Variants in ZNF148 observed in about 807,000 individuals in gnomAD.
ZNF148 encodes Beta-Enolase Repressor Factor-1.
Under a neutral mutation model 67.7 loss-of-function variants are expected in ZNF148, and 7 were observed. That is an observed-to-expected ratio of 0.10 (90% CI 0.06 to 0.19). The LOEUF is 0.19. Among genes scored for constraint, ZNF148 ranks in the 10% least tolerant of loss-of-function variants. The pLI is 1.00. For missense variants in ZNF148, 583 were observed against 947.1 expected (o/e 0.62, Z 5.05); for synonymous variants, 333 against 330.7 (o/e 1.01, Z -0.08).
chr3:125,233,074 T>A lies in ZNF148; in HGVS notation c.1652A>T (p.Lys551Ile). ...LQTLLDHYSHKANGQHEISFS... is the reference protein window; with the variant it reads ...LQTLLDHYSHIANGQHEISFS... The stretch of plus-strand genomic sequence containing the variant: ...GGATATCTCATGCTGTCCATTAGCT[T>A]TGTGGGAATAATGATCCAACAGAGT... Residue 551 changes from lysine (K) to isoleucine (I), a missense_variant, in exon 9 of 9, where the codon AAA (lysine) becomes ATA (isoleucine). By Grantham distance (102) the Lys-to-Ile change is moderately radical. Transcript: ENST00000360647. This position sits in a 1 kb window ranked among gnomAD's most constrained non-coding sequence, Gnocchi z 5.1. 6.2e-7 allele frequency: 1 copy of A among 1,613,582 alleles called. No homozygotes were observed.
intron 7 of ZNF148, among the ~76,000 whole-genome samples, chr3:125,253,349 A>T (rs1315281990): frequency 1.3e-5 from 2 of 152,168 alleles, no homozygotes; most frequent in South Asian, 4.1e-4. Context: ...ATAACTGATG[A>T]ATTTACTATA....
intron 1 of ZNF148, among the ~76,000 whole-genome samples, chr3:125,363,523 C>T (rs1282826338): frequency 6.6e-6 from 1 of 152,196 alleles, no homozygotes; most frequent in Non-Finnish European, 1.5e-5. Context: ...CTTCAGTTTT[C>T]TTTTTCTCTA....
intron 4 of ZNF148, among the ~76,000 whole-genome samples, 171 bp downstream of exon 4, chr3:125,313,132 TAATAC>T (rs979290806): frequency 9.8e-5 from 15 of 152,328 alleles, no homozygotes; most frequent in Admixed American, 3.9e-4. Flanking sequence ...TAAAATAATA[TAATAC>T]AAGAACTTAA....
intron 1 of ZNF148, among the ~76,000 whole-genome samples, chr3:125,333,853 C>T (rs9877328): frequency 0.77 from 117,311 of 152,146 alleles, 45,767 homozygotes; most frequent in African/African-American, 0.85. Flanking sequence ...CCTATGCCTT[C>T]TGCATCATCA....
At chr3:125,318,243 A>G (rs914146271) in intron 3 of ZNF148, among the ~76,000 whole-genome samples, 3 of 152,164 alleles carry the variant, frequency 2.0e-5, no homozygotes, top group Admixed American at 2.0e-4. Flanking sequence ...AACACATGCC[A>G]TATCCCTCCT....
chr3:125,285,185 G>A (rs1938594757), intron 5 of ZNF148, among the ~76,000 whole-genome samples: 1 of 152,176 alleles, frequency 6.6e-6, no homozygotes, highest in Non-Finnish European at 1.5e-5. Flanking sequence ...AAAAGGTGCT[G>A]GGGGAGAGTG....
intron 3 of ZNF148, among the ~76,000 whole-genome samples, chr3:125,315,775 A>G (rs1940462119): frequency 6.6e-6 from 1 of 152,074 alleles, no homozygotes; most frequent in South Asian, 2.1e-4. Context: ...GGTACATGAG[A>G]TATTTTGATA....
intron 1 of ZNF148, among the ~76,000 whole-genome samples, chr3:125,373,871 G>C (rs1042570749): frequency 6.6e-6 from 1 of 152,154 alleles, no homozygotes; most frequent in African/African-American, 2.4e-5. Flanking sequence ...CAGCAAGCAT[G>C]TCTTCCCCCC....
chr3:125,337,992 C>T (rs1032962394), intron 1 of ZNF148, among the ~76,000 whole-genome samples: 1 of 151,864 alleles, frequency 6.6e-6, no homozygotes, highest in African/African-American at 2.4e-5. Flanking sequence ...GCCACCCAGA[C>T]ACTAGGAAGG....
chr3:125,269,062 T>A (rs969754050), intron 7 of ZNF148, among the ~76,000 whole-genome samples: 1 of 151,896 alleles, frequency 6.6e-6, no homozygotes, highest in Non-Finnish European at 1.5e-5. Context: ...AAATAAGACA[T>A]ACAAGCAATC....
At chr3:125,329,378 T>A (rs1394995832) in intron 2 of ZNF148, among the ~76,000 whole-genome samples, 2 of 143,792 alleles carry the variant, frequency 1.4e-5, no homozygotes, top group African/African-American at 2.6e-5. Flanking sequence ...TTTTTTTTTT[T>A]AAAGACAGAG....
chr3:125,336,157 C>A (rs191047855), intron 1 of ZNF148, among the ~76,000 whole-genome samples: 18 of 152,278 alleles, frequency 1.2e-4, no homozygotes, highest in Admixed American at 9.2e-4. Flanking sequence ...ACTGTTTATG[C>A]TCCCATGAGC....
intron 7 of ZNF148, among the ~76,000 whole-genome samples, chr3:125,254,122 T>A (rs1036821856): frequency 6.6e-6 from 1 of 152,216 alleles, no homozygotes; most frequent in African/African-American, 2.4e-5. Flanking sequence ...TTTGGTAAAC[T>A]GTATTATTTT....
At chr3:125,338,337 C>G (rs1941579160) in intron 1 of ZNF148, among the ~76,000 whole-genome samples, 1 of 151,956 alleles carries the variant, frequency 6.6e-6, no homozygotes, top group African/African-American at 2.4e-5. Flanking sequence ...TGTATATAAT[C>G]AGAGAAAACT....
intron 4 of ZNF148, among the ~76,000 whole-genome samples, chr3:125,288,678 T>G (rs1189207242): frequency 1.3e-5 from 2 of 152,096 alleles, no homozygotes; most frequent in Admixed American, 1.3e-4. Flanking sequence ...AAATATCAAG[T>G]AAACCACACA....
At chr3:125,290,820 A>T (rs1034500106) in intron 4 of ZNF148, among the ~76,000 whole-genome samples, 1 of 152,182 alleles carries the variant, frequency 6.6e-6, no homozygotes, top group Admixed American at 6.6e-5. Flanking sequence ...TGAACAGAAC[A>T]GAGAATAAGG....
intron 1 of ZNF148, among the ~76,000 whole-genome samples, chr3:125,359,858 C>G (rs1266277133): frequency 6.6e-6 from 1 of 152,256 alleles, no homozygotes; most frequent in South Asian, 2.1e-4. Flanking sequence ...CAAGAGCACA[C>G]AGACCCAAGT....
In ZNF148 at chr3:125,277,689, CATTTTAATGAACCTAGT is replaced by C; in HGVS notation, c.667+20_667+36del. ...AATTCTTCCCTCCATTTGAAATAAT[CATTTTAATGAACCTAGT>C]AAGGGTGGTTAACACTCACCAGTAT... is the stretch of plus-strand genomic sequence containing the variant. On this transcript the variant is annotated intron_variant, in intron 7 of 8. Coordinates refer to ENST00000360647, the MANE Select transcript of ZNF148 (RefSeq NM_021964.3). 1 of 1,550,542 alleles carries C rather than the reference CATTTTAATGAACCTAGT, an allele frequency of 6.4e-7. No homozygotes were observed.
chr3:125,351,741 T>C (rs1449974188), intron 1 of ZNF148, among the ~76,000 whole-genome samples: 2 of 151,906 alleles, frequency 1.3e-5, no homozygotes, highest in Admixed American at 1.3e-4. Flanking sequence ...AGGCAAAAGA[T>C]CAGAAGACAT....
Sources: gnomAD v4.1 joint callset for allele counts (sites outside exome capture counted in the v4.1 genomes callset) on GRCh38, gnomAD v4.1.1 for gene constraint, Gnocchi (gnomAD v3.1) non-coding constraint, MANE v1.5 for transcripts, NCBI Gene and HGNC (gene_info 2026-07-23, HGNC 2026-07-21) for gene names.